GPC3: variants seen among roughly 807,000 people sequenced by gnomAD.
GPC3 encodes the protein glypican 3.
Under a neutral mutation model 34.4 loss-of-function variants are expected in GPC3, and 3 were observed. The observed-to-expected ratio is 0.09, with a 90% CI of 0.04 to 0.23. The LOEUF is 0.23. Among genes scored for constraint, GPC3 ranks in the 10% least tolerant of loss-of-function variants. The pLI is 1.00. For synonymous variants in GPC3, 177 were observed against 174.0 expected, an observed-to-expected ratio of 1.02 and a Z score of -0.13; for missense variants, 351 against 445.6, an observed-to-expected ratio of 0.79 and a Z score of 1.91.
intron 2 of GPC3, among the ~76,000 whole-genome samples, chrX:133,821,020 C>CA (rs1395815992): frequency 1.8e-5 from 2 of 111,964 alleles, no homozygotes; most frequent in African/African-American, 3.2e-5. Flanking sequence ...TAAAGTTCCA[C>CA]AAAAGGGGTT....
chrX:133,626,165 C>T (rs1317983254), intron 6 of GPC3, among the ~76,000 whole-genome samples: 6 of 111,716 alleles, frequency 5.4e-5, no homozygotes, highest in African/African-American at 2.0e-4. Context: ...AAAATTAATT[C>T]AAGATGGATT....
chrX:133,771,652 T>G (rs901520555), intron 2 of GPC3, among the ~76,000 whole-genome samples: 1 of 112,141 alleles, frequency 8.9e-6, no homozygotes, highest in African/African-American at 3.2e-5. Context: ...CACACCACAA[T>G]TAGATGAATT....
intron 7 of GPC3, among the ~76,000 whole-genome samples, chrX:133,575,144 A>G (rs2069667264): frequency 8.9e-6 from 1 of 111,903 alleles, no homozygotes; most frequent in South Asian, 3.7e-4. Context: ...CTTTTTACTT[A>G]ATCTCTCTGA....
chrX:133,982,084 T>C (rs1286293300), intron 1 of GPC3, among the ~76,000 whole-genome samples: 1 of 112,473 alleles, frequency 8.9e-6, no homozygotes, highest in Non-Finnish European at 1.9e-5. Context: ...TTTTCCAGAC[T>C]TCTGTAACAT....
In GPC3 at chrX:133,978,960, T is replaced by C. The variant is rs1023805529; in HGVS notation, c.175+6315A>G. 6.2e-5 allele frequency among the ~76,000 whole-genome samples: 7 copies of C among 112,479 alleles called. No individual in the cohort carries two copies. In the East Asian group the frequency reaches 8.3e-4, roughly 13 times the overall value. Reference sequence around the variant, plus strand: ...GGCCATGTAAAATTTTACTCTAAAATTGTACCTTCTCCTGGATTTATAAGG... The same window carrying C: ...GGCCATGTAAAATTTTACTCTAAAACTGTACCTTCTCCTGGATTTATAAGG... On this transcript the variant is annotated intron_variant, in intron 1 of 7. Transcript: ENST00000370818.
At chrX:133,693,156 A>T (rs1401677481) in intron 4 of GPC3, among the ~76,000 whole-genome samples, 1 of 89,408 alleles carries the variant, frequency 1.1e-5, no homozygotes, top group Non-Finnish European at 2.2e-5. Context: ...TAATAAGACA[A>T]GTGTGTGTGT....
chrX:133,940,161 TC>T (rs1238338607), intron 2 of GPC3, among the ~76,000 whole-genome samples: 1 of 111,406 alleles, frequency 9.0e-6, no homozygotes, highest in Non-Finnish European at 1.9e-5. Flanking sequence ...CCCTAGTATG[TC>T]CCTACAGAGA....
At chrX:133,638,575 G>A (rs924492873) in intron 6 of GPC3, among the ~76,000 whole-genome samples, 2 of 111,859 alleles carry the variant, frequency 1.8e-5, no homozygotes, top group Admixed American at 9.5e-5. Context: ...CATACAATAC[G>A]TAGGTCGTTC....
chrX:133,955,414 C>T (rs940316269), intron 1 of GPC3, among the ~76,000 whole-genome samples: 1 of 110,955 alleles, frequency 9.0e-6, no homozygotes, highest in Non-Finnish European at 1.9e-5. Context: ...ATGGCTTTTC[C>T]GGCCTCCTTC....
At chrX:133,863,704 G>A (rs1288608768) in intron 2 of GPC3, among the ~76,000 whole-genome samples, 9 of 88,596 alleles carry the variant, frequency 1.0e-4, no homozygotes, top group African/African-American at 4.0e-4. Context: ...GTCGGACTGC[G>A]GACTGCAGTG....
In GPC3 at chrX:133,728,529, A is replaced by C. The variant is rs2071434251; in HGVS notation, c.1032+24953T>G. ...GTTGATTTAGAACACCCCCTACTCA[A>C]TATGTTTATCCAACTCTATTCCTGC... is the stretch of plus-strand genomic sequence containing the variant. On this transcript the variant is annotated intron_variant, in intron 3 of 7. Transcript: ENST00000370818. Among the ~76,000 whole-genome samples, 3 of 112,298 alleles carry C rather than the reference A, an allele frequency of 2.7e-5. No individual in the cohort carries two copies. In the Admixed American group the frequency reaches 2.8e-4, roughly 11 times the overall value.
At chrX:133,692,311 T>G in intron 5 of GPC3, 58 bp downstream of exon 5, 3 of 1,128,921 alleles carry the variant, frequency 2.7e-6, no homozygotes, top group Non-Finnish European at 3.7e-6. Flanking sequence ...AACTTTTATA[T>G]AAACATATGA....
intron 7 of GPC3, among the ~76,000 whole-genome samples, chrX:133,559,338 T>A (rs1034583328): frequency 3.3e-5 from 3 of 90,068 alleles, no homozygotes; most frequent in Admixed American, 3.1e-4. Context: ...GATTGACACA[T>A]GGCATAGGTG....
At chrX:133,602,999 A>C (rs965663688) in intron 6 of GPC3, among the ~76,000 whole-genome samples, 2 of 111,022 alleles carry the variant, frequency 1.8e-5, no homozygotes, top group African/African-American at 6.5e-5. Context: ...TTTCGTGTAC[A>C]AACAGTCTTG....
At chrX:133,751,373 T>C (rs759657854) in intron 3 of GPC3, among the ~76,000 whole-genome samples, 2 of 112,093 alleles carry the variant, frequency 1.8e-5, no homozygotes, top group Non-Finnish European at 3.8e-5. Context: ...AAATTTACTT[T>C]TGCAGAAGGC....
chrX:133,745,569 T>C (rs915436313), intron 3 of GPC3, among the ~76,000 whole-genome samples: 3 of 112,507 alleles, frequency 2.7e-5, no homozygotes, highest in Non-Finnish European at 5.6e-5. Context: ...TTTGATACTT[T>C]CTCTTTAAAG....
At chrX:133,943,743 C>T (rs1444334853) in intron 2 of GPC3, among the ~76,000 whole-genome samples, 3 of 111,880 alleles carry the variant, frequency 2.7e-5, no homozygotes, top group Non-Finnish European at 5.6e-5. Context: ...TTCTTGTTCA[C>T]AAGGTGCAAA....
intron 7 of GPC3, among the ~76,000 whole-genome samples, chrX:133,566,780 C>T (rs1291803013): frequency 1.8e-5 from 2 of 111,265 alleles, no homozygotes; most frequent in Non-Finnish European, 3.8e-5. Context: ...TTTTCATCAC[C>T]AGATACACAG....
chrX:133,921,371 C>T (rs765703446), intron 2 of GPC3, among the ~76,000 whole-genome samples: 1 of 111,961 alleles, frequency 8.9e-6, no homozygotes, highest in Non-Finnish European at 1.9e-5. Flanking sequence ...AGTACTAAAC[C>T]AAATGGAATA....
Sources: gnomAD v4.1 joint callset for allele counts (sites outside exome capture counted in the v4.1 genomes callset) on GRCh38, gnomAD v4.1.1 for gene constraint, MANE v1.5 for transcripts, NCBI Gene and HGNC (gene_info 2026-07-23, HGNC 2026-07-21) for gene names.